Variants in GNAQ observed in about 807,000 individuals in gnomAD.
GNAQ encodes the protein G protein subunit alpha q, also known as guanine nucleotide-binding protein G(q) subunit alpha.
GNAQ carries 8 observed loss-of-function variants against 43.9 expected under a neutral mutation model. That is an observed-to-expected ratio of 0.18 (90% CI 0.11 to 0.33). GNAQ has a LOEUF of 0.33. Ranked by LOEUF, GNAQ falls within the 10% of genes least tolerant of loss-of-function variation. The pLI, the probability that GNAQ is intolerant of heterozygous loss-of-function variation, is 1.00. For missense variants in GNAQ, 158 were observed against 450.8 expected (o/e 0.35, Z 5.88); for synonymous variants, 155 against 170.7 (o/e 0.91, Z 0.71).
chr9:77,897,990 A>G (rs1828531025), intron 2 of GNAQ, among the ~76,000 whole-genome samples: 2 of 152,116 alleles, frequency 1.3e-5, no homozygotes, highest in Non-Finnish European at 2.9e-5. Context: ...ATTTAAGATA[A>G]AGAAAGTGAA....
intron 1 of GNAQ, among the ~76,000 whole-genome samples, chr9:77,951,643 T>C (rs919436661): frequency 6.6e-6 from 1 of 152,192 alleles, no homozygotes; most frequent in African/African-American, 2.4e-5. Flanking sequence ...ATGGTTGGAA[T>C]AGGTCCCTCA....
intron 2 of GNAQ, among the ~76,000 whole-genome samples, chr9:77,921,040 T>TAG (rs1414219194): frequency 5.3e-5 from 8 of 152,208 alleles, no homozygotes; most frequent in Non-Finnish European, 1.0e-4. Context: ...TCCTTCACAG[T>TAG]AGATTTATCA....
intron 1 of GNAQ, among the ~76,000 whole-genome samples, chr9:77,969,759 T>C (rs962509155): frequency 6.6e-6 from 1 of 152,160 alleles, no homozygotes. Flanking sequence ...TGTGAAGGCA[T>C]CAAATTCATA....
chr9:77,726,013 C>T (rs1465816192), intron 6 of GNAQ, among the ~76,000 whole-genome samples: 1 of 143,928 alleles, frequency 6.9e-6, no homozygotes, highest in Non-Finnish European at 1.5e-5. Context: ...AGAAGAACCT[C>T]GAGTGTGTGT....
At chr9:77,854,108 T>C in intron 2 of GNAQ, among the ~76,000 whole-genome samples, 1 of 152,218 alleles carries the variant, frequency 6.6e-6, no homozygotes, top group East Asian at 1.9e-4. Flanking sequence ...TGTATATTTT[T>C]ATAACTCTAA....
chr9:77,887,425 A>G (rs1489778421), intron 2 of GNAQ, among the ~76,000 whole-genome samples: 1 of 152,250 alleles, frequency 6.6e-6, no homozygotes, highest in African/African-American at 2.4e-5. Context: ...GAAAATAAGG[A>G]AATAGTTTTT....
intron 1 of GNAQ, among the ~76,000 whole-genome samples, chr9:78,022,912 A>G (rs188353092): frequency 1.1e-3 from 175 of 152,388 alleles, no homozygotes; most frequent in Non-Finnish European, 2.0e-3. Context: ...TGCTATTGCC[A>G]TCACCCTTAA....
In GNAQ at chr9:77,851,287, GT is replaced by G. The variant is rs373384946; in HGVS notation, c.322-35518del. Among the ~76,000 whole-genome samples the G allele has an allele frequency of 5.9e-3, 897 of 152,244 alleles. 10 individuals carry two copies. The highest frequency in any genetic ancestry group is 0.021 in the African/African-American group (872 of 41,556). On this transcript the variant is annotated intron_variant, in intron 2 of 6. Coordinates refer to ENST00000286548, the MANE Select transcript of GNAQ (RefSeq NM_002072.5). Reference sequence around the variant, plus strand: ...TTTTCCCCTCAGTGATCAATAAAAAGTTTTTGTGATAAACCTCCCCCAAAAC... The same window carrying G: ...TTTTCCCCTCAGTGATCAATAAAAAGTTTTGTGATAAACCTCCCCCAAAAC...
chr9:77,807,107 A>C (rs2118488267), intron 3 of GNAQ, among the ~76,000 whole-genome samples: 1 of 152,310 alleles, frequency 6.6e-6, no homozygotes, highest in South Asian at 2.1e-4. Flanking sequence ...TAAACTAATT[A>C]TAAATCAAAA....
At chr9:77,917,361 G>A (rs1828925490) in intron 2 of GNAQ, among the ~76,000 whole-genome samples, 1 of 151,952 alleles carries the variant, frequency 6.6e-6, no homozygotes, top group South Asian at 2.1e-4. Context: ...TATAAAGAGG[G>A]CGGAAGGAGG....
At chr9:78,001,852 G>A (rs910135212) in intron 1 of GNAQ, among the ~76,000 whole-genome samples, 13 of 152,108 alleles carry the variant, frequency 8.5e-5, no homozygotes, top group Non-Finnish European at 1.6e-4. Flanking sequence ...ATTTCAACTA[G>A]GAGTATTCTA....
chr9:77,748,550 A>G (rs1352442271), intron 5 of GNAQ, among the ~76,000 whole-genome samples: 1 of 152,244 alleles, frequency 6.6e-6, no homozygotes, highest in Non-Finnish European at 1.5e-5. Context: ...GGAGGATGAC[A>G]GAAGTAGGTC....
intron 1 of GNAQ, among the ~76,000 whole-genome samples, chr9:77,980,512 ACT>A (rs1823355472): frequency 6.6e-6 from 1 of 152,302 alleles, no homozygotes; most frequent in South Asian, 2.1e-4. Flanking sequence ...TTATAATTAA[ACT>A]CTCTGGGATA....
At chr9:77,853,613 C>T (rs1827704718) in intron 2 of GNAQ, among the ~76,000 whole-genome samples, 1 of 151,872 alleles carries the variant, frequency 6.6e-6, no homozygotes, top group African/African-American at 2.4e-5. Flanking sequence ...TTGTGTCAAA[C>T]TCTGGGAAAT....
At chr9:77,757,410 G>A (rs772299883) in intron 5 of GNAQ, among the ~76,000 whole-genome samples, 43 of 152,080 alleles carry the variant, frequency 2.8e-4, no homozygotes, top group Admixed American at 1.4e-3. Context: ...ATCTCCACAT[G>A]TATTTCCACC....
At chr9:77,828,986 C>T (rs191988728) in intron 2 of GNAQ, among the ~76,000 whole-genome samples, 7 of 152,276 alleles carry the variant, frequency 4.6e-5, no homozygotes, top group East Asian at 1.9e-4. Flanking sequence ...CAGAGCAAGG[C>T]CCTGGACTTT....
chr9:77,781,334 T>C (rs1029661498), intron 5 of GNAQ, among the ~76,000 whole-genome samples: 2 of 152,092 alleles, frequency 1.3e-5, no homozygotes, highest in Non-Finnish European at 2.9e-5. Context: ...CACAACACCA[T>C]TTATTGAAAA....
rs1347781255 is a variant in GNAQ, at chr9:77,721,069, G to C, written c.*254C>G. On this transcript the variant is annotated 3_prime_UTR_variant, in exon 7 of 7. Coordinates refer to ENST00000286548, the MANE Select transcript of GNAQ (RefSeq NM_002072.5). ...TGACTGAGAATTTAAAATACACTGA[G>C]TCACAAGGTTTTGCCTAAAAAAAAG... 1 of 372,006 alleles carries C rather than the reference G, an allele frequency of 2.7e-6. No individual in the cohort carries two copies. Among genetic ancestry groups the C allele is most frequent in the Admixed American group, 4.4e-5 (1 of 22,968 alleles). The allele number at this position is 372,006 out of a possible 1,614,324, so 23.0% of individuals were successfully genotyped here.
intron 1 of GNAQ, among the ~76,000 whole-genome samples, chr9:78,026,691 A>T (rs777815424): frequency 3.3e-5 from 5 of 152,132 alleles, no homozygotes; most frequent in Non-Finnish European, 7.3e-5. Flanking sequence ...CCTACTGAGG[A>T]GCAGTGGGAA....
Sources: allele counts gnomAD v4.1 joint callset (sites outside exome capture counted in the v4.1 genomes callset), GRCh38; gene constraint gnomAD v4.1.1; transcripts MANE v1.5; gene names NCBI Gene and HGNC (gene_info 2026-07-23, HGNC 2026-07-21).